Variants in NBPF15 observed in about 807,000 individuals in gnomAD.
The protein encoded by NBPF15 is NBPF member 15, also known as NBPF family member NBPF15.
Under a neutral mutation model 62.2 loss-of-function variants are expected in NBPF15, and 74 were observed. That is an observed-to-expected ratio of 1.19 (90% CI 0.99 to 1.44). NBPF15 has a LOEUF of 1.44. NBPF15 is among the 40% of genes most tolerant of loss of function. NBPF15 has a pLI of 0.00. For missense variants in NBPF15, 790 were observed against 550.0 expected (o/e 1.44, Z -4.36); for synonymous variants, 244 against 209.7 (o/e 1.16, Z -1.41).
At chr1:144,424,121 G>T (rs1271176816) in intron 20 of NBPF15, 146 bp from the exon 21 acceptor site, 7 of 730,646 alleles carry the variant, frequency 9.6e-6, no homozygotes, top group Admixed American at 1.9e-5. Flanking sequence ...GAGGTCTGAA[G>T]GCTGGTCATG....
chr1:144,432,682 T>G (rs1223353321), intron 13 of NBPF15, among the ~76,000 whole-genome samples: 1 of 151,962 alleles, frequency 6.6e-6, no homozygotes, highest in African/African-American at 2.4e-5. Context: ...AAACAGACTT[T>G]AAACCAACAA....
At chr1:144,428,997 C>A (rs1462203121) in intron 14 of NBPF15, among the ~76,000 whole-genome samples, 1 of 151,998 alleles carries the variant, frequency 6.6e-6, no homozygotes, top group Non-Finnish European at 1.5e-5. Flanking sequence ...TAAGCTTTCT[C>A]TCATTAAATA....
intron 6 of NBPF15, among the ~76,000 whole-genome samples, chr1:144,440,966 C>T (rs1216562043): frequency 6.6e-6 from 1 of 151,840 alleles, no homozygotes; most frequent in South Asian, 2.1e-4. Context: ...CCGCACCCGG[C>T]CGACTTCTCT....
At chr1:144,444,959 G>A (rs1454510994) in intron 6 of NBPF15, among the ~76,000 whole-genome samples, 1 of 151,706 alleles carries the variant, frequency 6.6e-6, no homozygotes, top group Non-Finnish European at 1.5e-5. Context: ...ATTTTCAAAG[G>A]AGCCATACCA....
In NBPF15 at chr1:144,455,422, ATATGCTGTTTCCACGGGGTACAAC is replaced by A. The variant is rs1298655614; in HGVS notation, c.-432+1091_-432+1114del. Among the ~76,000 whole-genome samples the A allele has an allele frequency of 1.3e-5, 2 of 152,050 alleles. 1 individual carries two copies. Among genetic ancestry groups the A allele is most frequent in the Admixed American group, 1.3e-4 (2 of 15,260 alleles). ...GAGACAGATGCACTACTGTAAAACT[ATATGCTGTTTCCACGGGGTACAAC>A]CCCTTCTTCCTCCTCTGAAACACAT... is the stretch of plus-strand genomic sequence containing the variant. On this transcript the variant is annotated intron_variant, in intron 4 of 21. Coordinates refer to ENST00000581897, the MANE Select transcript of NBPF15 (RefSeq NM_001385408.1).
intron 6 of NBPF15, among the ~76,000 whole-genome samples, chr1:144,442,115 T>TAA (rs1327327456): frequency 1.3e-5 from 1 of 75,366 alleles, no homozygotes; most frequent in East Asian, 3.9e-4. Flanking sequence ...TATATATATA[T>TAA]AATATATATA....
intron 6 of NBPF15, among the ~76,000 whole-genome samples, chr1:144,445,704 A>G (rs1371264244): frequency 6.6e-6 from 1 of 151,598 alleles, no homozygotes; most frequent in East Asian, 1.9e-4. Context: ...CTGGAGATCA[A>G]TTTACGAAGA....
chr1:144,459,441 G>GT lies in NBPF15; in HGVS notation c.-777dup, dbSNP rs1192727311. 1 of 151,978 alleles carries GT rather than the reference G, an allele frequency of 6.6e-6. No homozygotes were observed. Among genetic ancestry groups the GT allele is most frequent in the Admixed American group, 6.6e-5 (1 of 15,246 alleles). 9.4% of individuals were successfully genotyped at this position (151,978 alleles called of 1,614,324 possible). A position where few individuals can be genotyped will look rare whatever the true frequency, so the allele number is the denominator to read the frequency against. On this transcript the variant is annotated 5_prime_UTR_variant, in exon 3 of 22. Coordinates refer to ENST00000581897, the MANE Select transcript of NBPF15 (RefSeq NM_001385408.1). ...TGGGAGGTCAAGGTTGCGGTCAGCT[G>GT]TGATTGTGCCACTGCACTCCAGCCT... is the stretch of plus-strand genomic sequence containing the variant.
chr1:144,428,178 G>GACAC (rs782021320), intron 15 of NBPF15, among the ~76,000 whole-genome samples, 188 bp from the exon 16 acceptor site: 3,205 of 132,484 alleles, frequency 0.024, 96 homozygotes, highest in African/African-American at 0.055. Flanking sequence ...GAAAGAGAAA[G>GACAC]ACACACACAC....
At chr1:144,445,377 ACAC>A (rs1336651897) in intron 6 of NBPF15, among the ~76,000 whole-genome samples, 1 of 141,708 alleles carries the variant, frequency 7.1e-6, no homozygotes, top group Non-Finnish European at 1.5e-5. Context: ...ACACACACAC[ACAC>A]ACGTTTGTGT....
intron 6 of NBPF15, chr1:144,443,076 A>C (rs1684754694): frequency 6.2e-6 from 1 of 161,342 alleles, no homozygotes; most frequent in African/African-American, 2.4e-5. Flanking sequence ...TACACACACC[A>C]TTTTAATTTC....
chr1:144,457,317 G>C (rs1344971773), intron 3 of NBPF15, among the ~76,000 whole-genome samples: 3 of 151,814 alleles, frequency 2.0e-5, no homozygotes, highest in Admixed American at 2.0e-4. Flanking sequence ...TCATCTACTG[G>C]TCTATCTGGT....
intron 16 of NBPF15, among the ~76,000 whole-genome samples, chr1:144,427,581 G>C (rs1380797132): frequency 1.4e-5 from 2 of 147,138 alleles, no homozygotes; most frequent in African/African-American, 2.7e-5. Context: ...AACGTCATGA[G>C]AGTAGGATTA....
intron 7 of NBPF15, 34 bp from the exon 8 acceptor site, chr1:144,440,072 A>G (rs1353408315): frequency 3.2e-6 from 5 of 1,566,186 alleles, no homozygotes; most frequent in Non-Finnish European, 4.4e-6. Flanking sequence ...ATGATGGGTT[A>G]AAAACTGGTG....
chr1:144,423,674 A>G (rs112987147), intron 21 of NBPF15, among the ~76,000 whole-genome samples, 196 bp downstream of exon 21: 14 of 152,072 alleles, frequency 9.2e-5, no homozygotes, highest in African/African-American at 3.1e-4. Flanking sequence ...TGGTCAACCT[A>G]TGGTACGTTA....
At chr1:144,450,488 C>A (rs140780524) in intron 5 of NBPF15, among the ~76,000 whole-genome samples, 1 of 151,636 alleles carries the variant, frequency 6.6e-6, no homozygotes, top group South Asian at 2.1e-4. Context: ...TGTAGTGAAC[C>A]TGGAAAAATA....
In NBPF15 at chr1:144,439,849, G is replaced by A. The variant is rs1391536199; in HGVS notation, c.155C>T (p.Ala52Val). Residue 52 changes from alanine to valine, a missense_variant, in exon 8 of 22, where the codon GCC (alanine) becomes GTC (valine). By Grantham distance (64) the Ala-to-Val change is moderately conservative. Transcript: ENST00000581897. ...CTTACTGTATTTCTTCTGTCGGTTG[G>A]CCAGGAAGCCGGCCAGTTGAGTTAG... Reference protein sequence around the residue: ...CFLTQLAGFLANRQKKYKYEE... With the variant: ...CFLTQLAGFLVNRQKKYKYEE... The A allele has an allele frequency of 4.4e-6, 7 of 1,606,804 alleles. 1 individual carries two copies. Among genetic ancestry groups the A allele is most frequent in the East Asian group, 4.5e-5 (2 of 44,858 alleles).
chr1:144,426,172 G>A, intron 18 of NBPF15, 106 bp downstream of exon 18: 1 of 650,778 alleles, frequency 1.5e-6, no homozygotes, highest in Non-Finnish European at 2.7e-6. Context: ...GGTCCTGCCT[G>A]CGGCAATGAC....
chr1:144,458,908 G>T (rs1650247576), intron 3 of NBPF15, among the ~76,000 whole-genome samples: 1 of 151,680 alleles, frequency 6.6e-6, no homozygotes, highest in Admixed American at 6.6e-5. Context: ...AGGCATGGTG[G>T]CACACTCCTA....
Sources: gnomAD v4.1 joint callset for allele counts (sites outside exome capture counted in the v4.1 genomes callset) on GRCh38, gnomAD v4.1.1 for gene constraint, MANE v1.5 for transcripts, NCBI Gene and HGNC (gene_info 2026-07-23, HGNC 2026-07-21) for gene names.